Variants in EXD1 observed in about 807,000 individuals in gnomAD.
The protein encoded by EXD1 is exonuclease 3'-5' domain containing 1, also known as piRNA biogenesis protein EXD1.
EXD1 carries 63 observed loss-of-function variants against 49.1 expected under a neutral mutation model. That is an observed-to-expected ratio of 1.28 (90% CI 1.05 to 1.58). The LOEUF (loss-of-function observed/expected upper bound fraction) is 1.58. Among genes scored for constraint, EXD1 ranks in the 40% most tolerant of loss-of-function variants. EXD1 has a pLI of 0.00. For missense variants in EXD1, 748 were observed against 666.0 expected (o/e 1.12, Z -1.36); for synonymous variants, 234 against 239.2 (o/e 0.98, Z 0.20).
chr15:41,210,213 C>A (rs1015980138), intron 6 of EXD1, among the ~76,000 whole-genome samples: 1 of 152,126 alleles, frequency 6.6e-6, no homozygotes, highest in Admixed American at 6.6e-5. Context: ...CCAAGCCTGG[C>A]CCTGAATTAT....
chr15:41,221,075 A>G (rs2047081656), intron 2 of EXD1, among the ~76,000 whole-genome samples: 1 of 152,092 alleles, frequency 6.6e-6, no homozygotes, highest in East Asian at 1.9e-4. Flanking sequence ...ACCTAGAGCT[A>G]CCATATTGAG....
chr15:41,216,524 T>C lies in EXD1; in HGVS notation c.388+144A>G, dbSNP rs1595454442. The C allele has an allele frequency of 1.6e-5, 13 of 811,402 alleles. No homozygotes were observed. In the East Asian group the frequency reaches 3.1e-4, roughly 19 times the overall value. The allele number at this position is 811,402 out of a possible 1,614,324, so 50.3% of individuals were successfully genotyped here. A position where few individuals can be genotyped will look rare whatever the true frequency, so the allele number is the denominator to read the frequency against. ...CACATGCCTGTAATCACAGCTACTATGGAGGCAGAGGCAGGATAATTGCTT... is the reference window on the plus strand; with the variant it reads ...CACATGCCTGTAATCACAGCTACTACGGAGGCAGAGGCAGGATAATTGCTT... On this transcript the variant is annotated intron_variant, in intron 5 of 11. Transcript: ENST00000458580.
chr15:41,187,179 C>T (rs1444972857), intron 11 of EXD1, among the ~76,000 whole-genome samples: 3 of 150,268 alleles, frequency 2.0e-5, no homozygotes, highest in Admixed American at 1.3e-4. Context: ...CCACCACACC[C>T]GGTCTGTCCA....
chr15:41,186,188 T>C (rs937842567), intron 11 of EXD1, among the ~76,000 whole-genome samples: 2 of 151,932 alleles, frequency 1.3e-5, no homozygotes, highest in Non-Finnish European at 2.9e-5. Context: ...TAGATTGCAA[T>C]AGTCAGGAAA....
At position 41,216,808 on chromosome 15, in the gene EXD1, G is replaced by GA. The variant is rs1406183202; in HGVS notation, c.261-14dup. 3.1e-6 allele frequency: 5 copies of GA among 1,611,154 alleles called. No individual in the cohort carries two copies. Among genetic ancestry groups the GA allele is most frequent in the Non-Finnish European group, 4.2e-6 (5 of 1,179,496 alleles). ...TTCTGCATGTAGACTATCCTTACAAGAAACAATATTTGGGTGAACTTGTTC... is the reference window on the plus strand; with the variant it reads ...TTCTGCATGTAGACTATCCTTACAAGAAAACAATATTTGGGTGAACTTGTTC... On this transcript the variant is annotated splice_polypyrimidine_tract_variant and intron_variant, in intron 4 of 11. Transcript: ENST00000458580.
In EXD1 at chr15:41,183,000, G is replaced by T. The variant is rs748170126; in HGVS notation, c.*931C>A. The stretch of plus-strand genomic sequence containing the variant: ...GGAAATAAAAACAAATTAAAATAAA[G>T]ATATTGGCTGGGCACCGTGCCTCAC... On this transcript the variant is annotated 3_prime_UTR_variant, in exon 12 of 12. Transcript: ENST00000458580. 8.5e-5 allele frequency: 13 copies of T among 152,156 alleles called. No individual in the cohort carries two copies. Among genetic ancestry groups the T allele is most frequent in the Non-Finnish European group, 1.6e-4 (11 of 68,000 alleles). 9.4% of individuals were successfully genotyped at this position (152,156 alleles called of 1,614,324 possible). A position where few individuals can be genotyped will look rare whatever the true frequency, so the allele number is the denominator to read the frequency against.
intron 7 of EXD1, among the ~76,000 whole-genome samples, chr15:41,200,098 G>T (rs894994376): frequency 6.6e-6 from 1 of 151,534 alleles, no homozygotes; most frequent in Non-Finnish European, 1.5e-5. Context: ...TAGAGATAGG[G>T]TTTGTTTCAC....
At chr15:41,211,954 ACT>A (rs2046927641) in intron 6 of EXD1, among the ~76,000 whole-genome samples, 1 of 152,040 alleles carries the variant, frequency 6.6e-6, no homozygotes, top group African/African-American at 2.4e-5. Flanking sequence ...ACTAAGCGAG[ACT>A]CTGTCTCAAA....
chr15:41,205,956 T>G (rs143707930), intron 7 of EXD1, among the ~76,000 whole-genome samples: 1 of 149,990 alleles, frequency 6.7e-6, no homozygotes, highest in Non-Finnish European at 1.5e-5. Flanking sequence ...CTTGGCTCAC[T>G]GCAACCTCCA....
At position 41,226,425 on chromosome 15, in the gene EXD1, T is replaced by C. The variant is rs1292986215; in HGVS notation, c.133+18A>G. 5 of 1,535,130 alleles carry C rather than the reference T, an allele frequency of 3.3e-6. No homozygotes were observed. Among genetic ancestry groups the C allele is most frequent in the Non-Finnish European group, 3.5e-6 (4 of 1,146,328 alleles). ...TAATCTCTTAAAAGGCAGAACATTATAAGAAATAGAACAAGACCTTTCTTC... is the reference window on the plus strand; with the variant it reads ...TAATCTCTTAAAAGGCAGAACATTACAAGAAATAGAACAAGACCTTTCTTC... On this transcript the variant is annotated intron_variant, in intron 2 of 11. Transcript: ENST00000458580.
At chr15:41,197,844 T>C (rs1475745015) in intron 7 of EXD1, among the ~76,000 whole-genome samples, 1 of 144,204 alleles carries the variant, frequency 6.9e-6, no homozygotes, top group Non-Finnish European at 1.6e-5. Context: ...CAGGCTGGTC[T>C]CGAACTCCTG....
chr15:41,192,790 ATTTTTTTTTT>A (rs57676752), intron 9 of EXD1, among the ~76,000 whole-genome samples: 6 of 74,772 alleles, frequency 8.0e-5, no homozygotes, highest in Non-Finnish European at 1.4e-4. Flanking sequence ...TATTCTTAAG[ATTTTTTTTTT>A]TTTTTTTTTT....
At chr15:41,219,994 A>T in intron 2 of EXD1, 96 bp from the exon 3 acceptor site, 6 of 828,432 alleles carry the variant, frequency 7.2e-6, no homozygotes, top group Non-Finnish European at 1.1e-5. Flanking sequence ...TCTGAGTTGT[A>T]TTTAAAAAAA....
chr15:41,224,029 T>G (rs2047127361), intron 2 of EXD1, among the ~76,000 whole-genome samples: 1 of 151,618 alleles, frequency 6.6e-6, no homozygotes, highest in South Asian at 2.1e-4. Flanking sequence ...AACCTCCGCC[T>G]CCCAGGTTCA....
At chr15:41,191,411 T>C (rs2046512644) in intron 10 of EXD1, 31 bp downstream of exon 10, 1 of 1,549,352 alleles carries the variant, frequency 6.5e-7, no homozygotes, top group African/African-American at 1.5e-5. Context: ...TGAAAAAAAA[T>C]AATGTCATAC....
In EXD1 at chr15:41,226,645, G is replaced by C; in HGVS notation, c.-53-17C>G. ...ATCCAAACACTTGAAAATTAATAAA[G>C]AGATCTATGAATTTTAAAAGATTTT... On this transcript the variant is annotated splice_polypyrimidine_tract_variant and intron_variant, in intron 1 of 11. Coordinates refer to ENST00000458580, the MANE Select transcript of EXD1 (RefSeq NM_001286441.2). 6.8e-7 allele frequency: 1 copy of C among 1,464,566 alleles called. No individual in the cohort carries two copies. Among genetic ancestry groups the C allele is most frequent in the Non-Finnish European group, 9.0e-7 (1 of 1,112,986 alleles). The allele number at this position is 1,464,566 out of a possible 1,614,324, so 90.7% of individuals were successfully genotyped here. A position where few individuals can be genotyped will look rare whatever the true frequency, so the allele number is the denominator to read the frequency against.
At chr15:41,223,579 A>G (rs2047121049) in intron 2 of EXD1, among the ~76,000 whole-genome samples, 1 of 151,886 alleles carries the variant, frequency 6.6e-6, no homozygotes, top group Non-Finnish European at 1.5e-5. Flanking sequence ...AAGAAAAAAT[A>G]GGCCTGGCAC....
intron 10 of EXD1, chr15:41,190,462 A>G: frequency 3.6e-6 from 1 of 280,890 alleles, no homozygotes; most frequent in Non-Finnish European, 7.0e-6. Context: ...GCCTGGTGAC[A>G]GAGCGAGACT....
Position 41,184,561 on chromosome 15 carries a change from A to T in EXD1, c.1089T>A (p.Leu363=), listed in dbSNP as rs1164708863. ...PTCMELPEEL[L]QLKDFQKQRR... ...GCTGCTTCTGGAAGTCCTTGAGTTG[A>T]AGCAGTTCCTCTGGCAGCTCCATAC... The change falls in exon 12 of 12, where the codon CTT becomes CTA. Residue 363 remains leucine, a synonymous_variant. Transcript: ENST00000458580. 1 of 1,603,310 alleles carries T rather than the reference A, an allele frequency of 6.2e-7. No individual in the cohort carries two copies.
Sources: allele counts gnomAD v4.1 joint callset (sites outside exome capture counted in the v4.1 genomes callset), GRCh38; gene constraint gnomAD v4.1.1; transcripts MANE v1.5; gene names NCBI Gene and HGNC (gene_info 2026-07-23, HGNC 2026-07-21).